The following VAV3 variants were observed in gnomAD, a reference collection of about 807,000 sequenced individuals.
VAV3 encodes guanine nucleotide exchange factor VAV3.
VAV3 carries 94 observed loss-of-function variants against 131.2 expected under a neutral mutation model. The ratio of observed to expected loss-of-function variants is 0.72; its 90% CI spans 0.61 to 0.85. VAV3 has a LOEUF of 0.85. VAV3 is among the 40% of genes least tolerant of loss of function. VAV3 has a pLI of 0.00. For synonymous variants in VAV3, 349 were observed against 342.0 expected, an observed-to-expected ratio of 1.02 and a Z score of -0.22; for missense variants, 939 against 1,002.7, an observed-to-expected ratio of 0.94 and a Z score of 0.86.
At chr1:107,939,602 T>C (rs1673888265) in intron 1 of VAV3, among the ~76,000 whole-genome samples, 1 of 152,204 alleles carries the variant, frequency 6.6e-6, no homozygotes, top group South Asian at 2.1e-4. Flanking sequence ...ACACCCAGTC[T>C]TGACTTACAA....
At chr1:107,623,484 A>T (rs1377958529) in intron 20 of VAV3, among the ~76,000 whole-genome samples, 1 of 152,232 alleles carries the variant, frequency 6.6e-6, no homozygotes, top group Non-Finnish European at 1.5e-5. Flanking sequence ...TAAACTTGCT[A>T]AGCCGCAAGG....
At chr1:107,955,821 T>C (rs1490897158) in intron 1 of VAV3, among the ~76,000 whole-genome samples, 1 of 152,152 alleles carries the variant, frequency 6.6e-6, no homozygotes, top group Non-Finnish European at 1.5e-5. Context: ...CTAAGGAGGT[T>C]GGATTTTATC....
intron 19 of VAV3, among the ~76,000 whole-genome samples, chr1:107,647,747 C>G (rs1187440420): frequency 1.3e-5 from 2 of 152,014 alleles, no homozygotes; most frequent in Admixed American, 6.6e-5. Context: ...TGACCAACAC[C>G]TACCACTGCC....
At chr1:107,758,243 A>T (rs1664223324) in intron 10 of VAV3, among the ~76,000 whole-genome samples, 1 of 152,000 alleles carries the variant, frequency 6.6e-6, no homozygotes, top group Non-Finnish European at 1.5e-5. Context: ...CCTCATTGCC[A>T]CTAATTAGGT....
chr1:107,600,441 T>C (rs1348194840), intron 24 of VAV3, among the ~76,000 whole-genome samples: 1 of 152,206 alleles, frequency 6.6e-6, no homozygotes, highest in East Asian at 1.9e-4. Context: ...TAACACGCTG[T>C]GATACGTGCT....
At chr1:107,664,168 T>G (rs899856730) in intron 19 of VAV3, among the ~76,000 whole-genome samples, 3 of 152,200 alleles carry the variant, frequency 2.0e-5, no homozygotes, top group African/African-American at 7.2e-5. Flanking sequence ...ACAATCACTC[T>G]TTGCCCTCCC....
chr1:107,661,308 C>T (rs1656996758), intron 19 of VAV3, among the ~76,000 whole-genome samples: 1 of 152,160 alleles, frequency 6.6e-6, no homozygotes, highest in Non-Finnish European at 1.5e-5. Flanking sequence ...ACCCATTATG[C>T]ACCCAAAGTG....
At chr1:107,833,705 G>A (rs1668358488) in intron 2 of VAV3, among the ~76,000 whole-genome samples, 1 of 152,188 alleles carries the variant, frequency 6.6e-6, no homozygotes, top group Non-Finnish European at 1.5e-5. Context: ...TGTGGTCAGT[G>A]CCTATTTCAC....
chr1:107,718,364 G>T (rs1354801093), intron 15 of VAV3, among the ~76,000 whole-genome samples: 1 of 152,106 alleles, frequency 6.6e-6, no homozygotes, highest in East Asian at 1.9e-4. Flanking sequence ...CAAAGTCTCA[G>T]GATACAAAAT....
At chr1:107,585,270 G>A (rs187052109) in intron 25 of VAV3, among the ~76,000 whole-genome samples, 175 of 152,176 alleles carry the variant, frequency 1.1e-3, no homozygotes, top group African/African-American at 1.5e-3. Flanking sequence ...ATATGGCTAC[G>A]TGCTGTTCCA....
At chr1:107,776,790 T>C (rs1396593305) in intron 4 of VAV3, among the ~76,000 whole-genome samples, 2 of 152,204 alleles carry the variant, frequency 1.3e-5, no homozygotes, top group African/African-American at 2.4e-5. Flanking sequence ...TATTAAATAA[T>C]AGAGCCCAAA....
chr1:107,596,708 A>G (rs568856989), intron 24 of VAV3, among the ~76,000 whole-genome samples: 1 of 152,350 alleles, frequency 6.6e-6, no homozygotes, highest in East Asian at 1.9e-4. Flanking sequence ...CCAAAATAAA[A>G]GGAACAGCTG....
At chr1:107,861,559 T>C (rs1256135545) in intron 2 of VAV3, among the ~76,000 whole-genome samples, 1 of 151,590 alleles carries the variant, frequency 6.6e-6, no homozygotes, top group Non-Finnish European at 1.5e-5. Flanking sequence ...CTTCTATGTA[T>C]GTTTTTATTA....
chr1:107,877,710 T>C (rs1571080832), intron 1 of VAV3, among the ~76,000 whole-genome samples: 1 of 152,306 alleles, frequency 6.6e-6, no homozygotes, highest in East Asian at 1.9e-4. Flanking sequence ...TATTTATGTA[T>C]TTTTCAGTTT....
At chr1:107,861,087 A>T (rs1669715240) in intron 2 of VAV3, among the ~76,000 whole-genome samples, 1 of 151,516 alleles carries the variant, frequency 6.6e-6, no homozygotes, top group Non-Finnish European at 1.5e-5. Flanking sequence ...GTTGCTACTT[A>T]AGAAATTTCT....
At chr1:107,666,514 C>G (rs1444703224) in intron 19 of VAV3, among the ~76,000 whole-genome samples, 3 of 151,728 alleles carry the variant, frequency 2.0e-5, no homozygotes, top group Non-Finnish European at 4.4e-5. Context: ...CACAGAAGAT[C>G]ACCGTGGCTT....
chr1:107,776,365 G>A (rs1414339245), intron 4 of VAV3, among the ~76,000 whole-genome samples: 1 of 152,192 alleles, frequency 6.6e-6, no homozygotes, highest in African/African-American at 2.4e-5. Context: ...AACCAAGACT[G>A]TCTCAGGCAT....
intron 25 of VAV3, among the ~76,000 whole-genome samples, chr1:107,578,514 A>C (rs1349389268): frequency 6.6e-6 from 1 of 152,214 alleles, no homozygotes; most frequent in Non-Finnish European, 1.5e-5. Context: ...TCTGGTGCTA[A>C]GATTTCTATC....
intron 2 of VAV3, among the ~76,000 whole-genome samples, chr1:107,855,801 G>T (rs1219795474): frequency 6.6e-6 from 1 of 152,168 alleles, no homozygotes; most frequent in Non-Finnish European, 1.5e-5. Flanking sequence ...GGACTCAAAG[G>T]CAAGATACAG....
Sources: gnomAD v4.1 joint callset for allele counts (sites outside exome capture counted in the v4.1 genomes callset) on GRCh38, gnomAD v4.1.1 for gene constraint, MANE v1.5 for transcripts, NCBI Gene and HGNC (gene_info 2026-07-23, HGNC 2026-07-21) for gene names.